The following ING3 variants were observed in gnomAD, a reference collection of about 807,000 sequenced individuals.
ING3 encodes inhibitor of growth family member 3.
In ING3, 6 loss-of-function variants were observed where a neutral mutation model predicts 64.8. The ratio of observed to expected loss-of-function variants is 0.09; its 90% CI spans 0.05 to 0.18. The LOEUF (loss-of-function observed/expected upper bound fraction) is 0.18, where lower values mean the gene tolerates loss of function less well. ING3 is among the 10% of genes least tolerant of loss of function. ING3 has a pLI of 1.00. For synonymous variants in ING3, 170 were observed against 173.7 expected (o/e 0.98, Z 0.17); for missense variants, 310 against 489.7 (o/e 0.63, Z 3.46).
At chr7:120,967,750 G>A (rs1796014865) in intron 7 of ING3, 102 bp downstream of exon 7, 2 of 1,331,142 alleles carry the variant, frequency 1.5e-6, no homozygotes, top group East Asian at 4.6e-5. Flanking sequence ...TCTTTACCTG[G>A]TTAAAGTATA....
chr7:120,953,364 A>T lies in ING3; in HGVS notation c.161A>T (p.Lys54Ile), dbSNP rs1201234170. 1 of 1,608,006 alleles carries T rather than the reference A, an allele frequency of 6.2e-7. No homozygotes were observed. The highest frequency in any genetic ancestry group is 8.5e-7 in the Non-Finnish European group (1 of 1,177,364). ...SEFFMNAKKN[K>I]PEWREEQMAS... is the part of the protein sequence containing the mutation. ...TTCTTTATGAATGCAAAGAAAAATA[A>T]ACCTGAGTGGAGGGAAGAGCAAATG... is the stretch of plus-strand genomic sequence containing the variant. The change falls in exon 3 of 12, where the codon AAA becomes ATA. Residue 54 changes from lysine to isoleucine, a missense_variant. Coordinates refer to ENST00000315870, the MANE Select transcript of ING3 (RefSeq NM_019071.3).
chr7:120,956,524 A>G, intron 4 of ING3: 4 of 1,039,536 alleles, frequency 3.8e-6, no homozygotes, highest in Non-Finnish European at 4.6e-6. Context: ...TGTCATGTAG[A>G]GCCATGGAAA....
chr7:120,951,108 G>A, intron 1 of ING3, 56 bp from the exon 2 acceptor site: 2 of 1,583,366 alleles, frequency 1.3e-6, no homozygotes, highest in Non-Finnish European at 1.7e-6. Flanking sequence ...GCGCAGTGAC[G>A]TAAGCGCGTA....
chr7:120,973,669 G>A (rs1796098447), intron 11 of ING3, among the ~76,000 whole-genome samples: 1 of 152,146 alleles, frequency 6.6e-6, no homozygotes, highest in African/African-American at 2.4e-5. Flanking sequence ...TTCCTCTCAT[G>A]AGTATAATAT....
chr7:120,964,999 G>A (rs759228999), intron 5 of ING3, among the ~76,000 whole-genome samples, 161 bp downstream of exon 5: 3 of 152,142 alleles, frequency 2.0e-5, no homozygotes, highest in Non-Finnish European at 2.9e-5. Flanking sequence ...TTTGGGTCAT[G>A]CATACTGAGA....
At chr7:120,956,673 A>G in intron 4 of ING3, 1 of 986,888 alleles carries the variant, frequency 1.0e-6, no homozygotes, top group Middle Eastern at 2.8e-4. Context: ...AGCTTGATTT[A>G]CTGTGGAATA....
intron 3 of ING3, among the ~76,000 whole-genome samples, chr7:120,954,740 C>T (rs1234629508): frequency 6.6e-6 from 1 of 151,950 alleles, no homozygotes; most frequent in Admixed American, 6.6e-5. Flanking sequence ...ATCTTCTTTC[C>T]CCCTCTTTTT....
At chr7:120,956,107 G>A in intron 4 of ING3, 1 of 1,173,668 alleles carries the variant, frequency 8.5e-7, no homozygotes, top group East Asian at 2.3e-5. Context: ...AGCTGTGTCA[G>A]TTGTTTAAGC....
At chr7:120,968,392 C>T (rs1274856121) in intron 8 of ING3, among the ~76,000 whole-genome samples, 2 of 152,130 alleles carry the variant, frequency 1.3e-5, no homozygotes, top group South Asian at 2.1e-4. Flanking sequence ...CATAGTTCTT[C>T]GTTCTTTCTG....
chr7:120,971,198 C>T (rs996901237), intron 10 of ING3, among the ~76,000 whole-genome samples: 1 of 152,180 alleles, frequency 6.6e-6, no homozygotes, highest in Non-Finnish European at 1.5e-5. Context: ...ATAATTTTCT[C>T]ACAGGTATGA....
intron 4 of ING3, among the ~76,000 whole-genome samples, chr7:120,963,415 T>G (rs993193012): frequency 6.6e-6 from 1 of 151,702 alleles, no homozygotes; most frequent in African/African-American, 2.4e-5. Context: ...TTTTTATACT[T>G]GAGTTATATT....
chr7:120,956,316 T>C, intron 4 of ING3: 8 of 1,420,430 alleles, frequency 5.6e-6, no homozygotes, highest in Middle Eastern at 2.5e-4. Flanking sequence ...TTAAAGTAAA[T>C]TAAAGCAGAA....
intron 5 of ING3, among the ~76,000 whole-genome samples, chr7:120,965,476 A>T (rs1410655614): frequency 2.0e-5 from 3 of 152,200 alleles, no homozygotes; most frequent in African/African-American, 4.8e-5. Context: ...TTCAACCTAA[A>T]TAGGTAATGT....
intron 4 of ING3, chr7:120,956,331 CA>C (rs1434016856): frequency 1.8e-5 from 25 of 1,400,032 alleles, no homozygotes; most frequent in Non-Finnish European, 5.6e-6. Context: ...GCAGAAAACA[CA>C]TGCTCACTTT....
intron 2 of ING3, among the ~76,000 whole-genome samples, chr7:120,952,269 G>A (rs1173731968): frequency 2.0e-5 from 3 of 152,086 alleles, no homozygotes; most frequent in Non-Finnish European, 4.4e-5. Flanking sequence ...TTTGTTTTAG[G>A]GCTTTACTAA....
intron 1 of ING3, 39 bp from the exon 2 acceptor site, chr7:120,951,125 C>T (rs376829981): frequency 1.8e-4 from 283 of 1,606,400 alleles, no homozygotes; most frequent in Non-Finnish European, 2.3e-4. Flanking sequence ...CGTATTTCGC[C>T]GTTGGCCCCG....
chr7:120,968,225 T>C (rs1388616319), intron 8 of ING3, 134 bp downstream of exon 8: 15 of 796,552 alleles, frequency 1.9e-5, no homozygotes, highest in Non-Finnish European at 2.9e-5. Context: ...GATTTCACGA[T>C]ATGTGATATT....
At chr7:120,970,541 A>G in intron 9 of ING3, 147 bp from the exon 10 acceptor site, 1 of 742,500 alleles carries the variant, frequency 1.3e-6, no homozygotes, top group Non-Finnish European at 2.2e-6. Flanking sequence ...ACTACCTACA[A>G]TTTAAGTCAT....
At chr7:120,951,133 C>T in intron 1 of ING3, 31 bp from the exon 2 acceptor site, 3 of 1,611,994 alleles carry the variant, frequency 1.9e-6, no homozygotes, top group Non-Finnish European at 2.5e-6. Context: ...GCCGTTGGCC[C>T]CGCCCCTCTG....
Sources: gnomAD v4.1 joint callset for allele counts (sites outside exome capture counted in the v4.1 genomes callset) on GRCh38, gnomAD v4.1.1 for gene constraint, MANE v1.5 for transcripts, NCBI Gene and HGNC (gene_info 2026-07-23, HGNC 2026-07-21) for gene names.